ST8SIA1: variants seen among roughly 807,000 people sequenced by gnomAD.
ST8SIA1 encodes ST8 alpha-N-acetyl-neuraminide alpha-2,8-sialyltransferase 1, also known as alpha-N-acetylneuraminide alpha-2,8-sialyltransferase.
Under a neutral mutation model 35.9 loss-of-function variants are expected in ST8SIA1, and 16 were observed. That is an observed-to-expected ratio of 0.45 (90% confidence interval 0.30 to 0.68). The LOEUF (loss-of-function observed/expected upper bound fraction) is 0.68, where lower values mean the gene tolerates loss of function less well. ST8SIA1 is among the 30% of genes least tolerant of loss of function. The pLI is 0.09. For synonymous variants in ST8SIA1, 170 were observed against 169.6 expected (o/e 1.00, Z -0.02); for missense variants, 383 against 453.6 (o/e 0.84, Z 1.41).
intron 3 of ST8SIA1, 52 bp from the exon 4 acceptor site, chr12:22,249,150 T>C (rs1865636751): frequency 1.8e-6 from 2 of 1,140,294 alleles, no homozygotes; most frequent in South Asian, 1.3e-5. Flanking sequence ...TTTTAAATCA[T>C]CAGTTAGAAT....
intron 4 of ST8SIA1, among the ~76,000 whole-genome samples, chr12:22,227,043 T>A (rs994625139): frequency 2.6e-5 from 4 of 151,692 alleles, no homozygotes; most frequent in African/African-American, 9.7e-5. Flanking sequence ...GCCTCCCGGG[T>A]TCAATGATTC....
intron 1 of ST8SIA1, among the ~76,000 whole-genome samples, chr12:22,306,496 G>A (rs139607559): frequency 0.017 from 2,586 of 152,228 alleles, 80 homozygotes; most frequent in African/African-American, 0.059. Context: ...CAAAATTCCA[G>A]AATGTTTAGA....
intron 2 of ST8SIA1, among the ~76,000 whole-genome samples, chr12:22,256,975 T>C (rs933297044): frequency 1.3e-5 from 2 of 152,214 alleles, no homozygotes; most frequent in Non-Finnish European, 2.9e-5. Flanking sequence ...TAGCTGTTTG[T>C]TTATTCCACA....
chr12:22,254,153 G>A (rs1350874073), intron 3 of ST8SIA1, among the ~76,000 whole-genome samples: 2 of 152,092 alleles, frequency 1.3e-5, no homozygotes, highest in East Asian at 3.9e-4. Context: ...CCACCTCAGT[G>A]AGGCTTCAGG....
chr12:22,244,265 C>T (rs1865573395), intron 4 of ST8SIA1, among the ~76,000 whole-genome samples: 1 of 151,986 alleles, frequency 6.6e-6, no homozygotes, highest in African/African-American at 2.4e-5. Flanking sequence ...GCAGCCTAAG[C>T]AATCATTATA....
chr12:22,208,980 G>A (rs911668277), intron 4 of ST8SIA1, among the ~76,000 whole-genome samples: 10 of 151,824 alleles, frequency 6.6e-5, no homozygotes, highest in South Asian at 2.1e-4. Flanking sequence ...AGCTCCAGAT[G>A]GAATAATCAT....
rs1866826375 is a variant in ST8SIA1, at chr12:22,334,706, A to ACAC, written c.-475_-474insGTG. On this transcript the variant is annotated 5_prime_UTR_variant, in exon 1 of 5. Coordinates refer to ENST00000396037, the MANE Select transcript of ST8SIA1 (RefSeq NM_003034.4). ...TCCCGCGCTGCTGCGCCGCCAGGCA[A>ACAC]CCCCCCCCCCCCCACCCCGCCCCGA... The ACAC allele has an allele frequency of 3.1e-5, 2 of 64,560 alleles. No individual in the cohort carries two copies. Among genetic ancestry groups the ACAC allele is most frequent in the African/African-American group, 5.1e-5 (1 of 19,574 alleles). The allele number at this position is 64,560 out of a possible 1,614,324, so 4.0% of individuals were successfully genotyped here. A position where few individuals can be genotyped will look rare whatever the true frequency, so the allele number is the denominator to read the frequency against.
chr12:22,323,333 A>G (rs1220890279), intron 1 of ST8SIA1, among the ~76,000 whole-genome samples: 1 of 152,226 alleles, frequency 6.6e-6, no homozygotes, highest in Non-Finnish European at 1.5e-5. Flanking sequence ...CCAAATCTGC[A>G]CTTAGCCAAA....
Position 22,195,340 on chromosome 12 carries a change from A to G in ST8SIA1, c.*6212T>C, listed in dbSNP as rs908606093. 1.3e-5 allele frequency: 2 copies of G among 152,184 alleles called. No homozygotes were observed. Among genetic ancestry groups the G allele is most frequent in the African/African-American group, 4.8e-5 (2 of 41,442 alleles). 9.4% of individuals were successfully genotyped at this position (152,184 alleles called of 1,614,324 possible). A position where few individuals can be genotyped will look rare whatever the true frequency, so the allele number is the denominator to read the frequency against. ...TGATACTGTCATGGTCCAAGTGGGTAAACAGGTACCACTCTGTTCTCTCCG... is the reference window on the plus strand; with the variant it reads ...TGATACTGTCATGGTCCAAGTGGGTGAACAGGTACCACTCTGTTCTCTCCG... On this transcript the variant is annotated 3_prime_UTR_variant, in exon 5 of 5. Coordinates refer to ENST00000396037, the MANE Select transcript of ST8SIA1 (RefSeq NM_003034.4).
At chr12:22,251,533 T>C (rs772795806) in intron 3 of ST8SIA1, among the ~76,000 whole-genome samples, 2 of 152,230 alleles carry the variant, frequency 1.3e-5, no homozygotes, top group Non-Finnish European at 2.9e-5. Flanking sequence ...CAAATATCTG[T>C]GACACTTTCC....
In ST8SIA1 at chr12:22,194,762, T is replaced by C. The variant is rs988958396; in HGVS notation, c.*6790A>G. 6.6e-5 allele frequency: 10 copies of C among 152,238 alleles called. No homozygotes were observed. Among genetic ancestry groups the C allele is most frequent in the Non-Finnish European group, 4.4e-5 (3 of 68,050 alleles). The allele number at this position is 152,238 out of a possible 1,614,324, so 9.4% of individuals were successfully genotyped here. On this transcript the variant is annotated 3_prime_UTR_variant, in exon 5 of 5. Coordinates refer to ENST00000396037, the MANE Select transcript of ST8SIA1 (RefSeq NM_003034.4). ...CTCCTGTTCTAACTCTAGCTATGCA[T>C]AGCCCACTTTCCAAGGGTGAGGGTC...
intron 2 of ST8SIA1, among the ~76,000 whole-genome samples, chr12:22,263,014 A>G (rs1283474219): frequency 1.3e-5 from 2 of 152,144 alleles, no homozygotes; most frequent in Admixed American, 6.5e-5. Context: ...CCCCGAAGCA[A>G]CCAGCTCACC....
chr12:22,289,347 G>C (rs1024329097), intron 1 of ST8SIA1, among the ~76,000 whole-genome samples: 3 of 152,034 alleles, frequency 2.0e-5, no homozygotes, highest in Non-Finnish European at 4.4e-5. Flanking sequence ...AACAGGCTTA[G>C]AGCGGTTCCA....
intron 1 of ST8SIA1, among the ~76,000 whole-genome samples, chr12:22,294,889 T>A (rs1032597089): frequency 1.3e-5 from 2 of 152,244 alleles, no homozygotes; most frequent in Non-Finnish European, 2.9e-5. Context: ...TCAGGCTTAC[T>A]GATCTATACA....
chr12:22,328,379 G>A (rs1866708297), intron 1 of ST8SIA1, among the ~76,000 whole-genome samples: 1 of 152,180 alleles, frequency 6.6e-6, no homozygotes, highest in South Asian at 2.1e-4. Context: ...AACTAAGAAT[G>A]AGGCACAGTT....
chr12:22,271,691 C>T (rs754690457), intron 2 of ST8SIA1, among the ~76,000 whole-genome samples: 6 of 152,150 alleles, frequency 3.9e-5, no homozygotes, highest in African/African-American at 7.2e-5. Context: ...AATACGAGAG[C>T]GCCAATCATC....
At chr12:22,309,246 T>G (rs1866420652) in intron 1 of ST8SIA1, among the ~76,000 whole-genome samples, 1 of 152,122 alleles carries the variant, frequency 6.6e-6, no homozygotes, top group African/African-American at 2.4e-5. Context: ...ACCATTAGCT[T>G]TTCTTCCCTA....
At chr12:22,256,473 C>T (rs983154223) in intron 2 of ST8SIA1, among the ~76,000 whole-genome samples, 2 of 152,184 alleles carry the variant, frequency 1.3e-5, no homozygotes, top group Non-Finnish European at 2.9e-5. Flanking sequence ...TAGGGAAAGA[C>T]CTTTCATATA....
intron 2 of ST8SIA1, among the ~76,000 whole-genome samples, chr12:22,279,264 G>A (rs1866006367): frequency 4.6e-5 from 7 of 152,142 alleles, no homozygotes; most frequent in Admixed American, 3.9e-4. Flanking sequence ...TCTGGCCCTG[G>A]CTTTGAGGTA....
Sources: allele counts gnomAD v4.1 joint callset (sites outside exome capture counted in the v4.1 genomes callset), GRCh38; gene constraint gnomAD v4.1.1; transcripts MANE v1.5; gene names NCBI Gene and HGNC (gene_info 2026-07-23, HGNC 2026-07-21).